Variants in TNFSF4 observed in about 807,000 individuals in gnomAD.
The protein encoded by TNFSF4 is TNF superfamily member 4, also known as tumor necrosis factor ligand superfamily member 4.
Under a neutral mutation model 7.3 loss-of-function variants are expected in TNFSF4, and 4 were observed. That is an observed-to-expected ratio of 0.55 (90% CI 0.27 to 1.25). The LOEUF is 1.25. TNFSF4 is among the 50% of genes most tolerant of loss of function. The pLI is 0.12. For missense variants in TNFSF4, 181 were observed against 208.8 expected, an observed-to-expected ratio of 0.87 and a Z score of 0.82; for synonymous variants, 76 against 83.7, an observed-to-expected ratio of 0.91 and a Z score of 0.50.
At chr1:173,191,115 G>T (rs1212053129) in intron 1 of TNFSF4, among the ~76,000 whole-genome samples, 1 of 152,120 alleles carries the variant, frequency 6.6e-6, no homozygotes, top group Non-Finnish European at 1.5e-5. Flanking sequence ...AAAATATCCT[G>T]CAACTTAAGG....
the TNFSF4 span, among the ~76,000 whole-genome samples, chr1:173,332,759 G>A: frequency 6.6e-6 from 1 of 151,728 alleles, no homozygotes; most frequent in Non-Finnish European, 1.5e-5. Context: ...GGAGGCTGAG[G>A]CAGGAGAATC....
intron 1 of TNFSF4, among the ~76,000 whole-genome samples, chr1:173,202,075 A>AACACG (rs1649969067): frequency 1.3e-5 from 2 of 150,596 alleles, no homozygotes; most frequent in African/African-American, 4.9e-5. Context: ...ATATATACAC[A>AACACG]CACACATACA....
chr1:173,173,224 T>A, the TNFSF4 span, among the ~76,000 whole-genome samples: 1 of 152,216 alleles, frequency 6.6e-6, no homozygotes, highest in African/African-American at 2.4e-5. Flanking sequence ...CCAAATCTCC[T>A]GTTTCTCACA....
At chr1:173,376,563 C>T in the TNFSF4 span, among the ~76,000 whole-genome samples, 1 of 152,152 alleles carries the variant, frequency 6.6e-6, no homozygotes, top group South Asian at 2.1e-4. Flanking sequence ...CCAATCAGTG[C>T]TCTGTGTCTA....
chr1:173,267,380 T>A, the TNFSF4 span, among the ~76,000 whole-genome samples: 1 of 152,154 alleles, frequency 6.6e-6, no homozygotes, highest in Non-Finnish European at 1.5e-5. Flanking sequence ...TGTGCACTTT[T>A]CCCTCAAATA....
rs182555087 is a variant in TNFSF4 at position 173,193,681 on chromosome 1, A to G, written c.154-5112T>C. On this transcript the variant is annotated intron_variant, in intron 1 of 2. Transcript: ENST00000281834. ...AAAAGAAGAAGTTGCCGTACAGATG[A>G]TTGGCAATGACCTCATCATGAGAAA... Among the ~76,000 whole-genome samples the G allele has an allele frequency of 8.7e-5, 13 of 150,210 alleles. No individual in the cohort carries two copies. The East Asian group carries it at 2.0e-3, about 23-fold the overall frequency.
In TNFSF4 at chr1:173,205,170, T is replaced by G. The variant is rs565478709; in HGVS notation, c.153+1854A>C. 6.3e-6 allele frequency: 6 copies of G among 955,260 alleles called. 1 individual carries two copies. In the South Asian group the frequency reaches 1.3e-4, roughly 21 times the overall value. The allele number at this position is 955,260 out of a possible 1,614,324, so 59.2% of individuals were successfully genotyped here. A position where few individuals can be genotyped will look rare whatever the true frequency, so the allele number is the denominator to read the frequency against. On this transcript the variant is annotated intron_variant, in intron 1 of 2. Transcript: ENST00000281834. ...AACATCAAGTGAAGAACTTCAAATATCCTGAGCAAAAAAAAGAAATCTATT... is the reference window on the plus strand; with the variant it reads ...AACATCAAGTGAAGAACTTCAAATAGCCTGAGCAAAAAAAAGAAATCTATT...
rs538471901 is a variant in TNFSF4, at chr1:173,206,433, G to A, written c.153+591C>T. Among the ~76,000 whole-genome samples the A allele has an allele frequency of 1.5e-4, 23 of 152,298 alleles. 1 individual carries two copies. The highest frequency in any genetic ancestry group is 5.1e-4 in the African/African-American group (21 of 41,562). ...TAAGGTAGGGAAAAGGTGAAATGATGTCTTTAAATTATGACTGGAAGAGAT... is the reference window on the plus strand; with the variant it reads ...TAAGGTAGGGAAAAGGTGAAATGATATCTTTAAATTATGACTGGAAGAGAT... On this transcript the variant is annotated intron_variant, in intron 1 of 2. Coordinates refer to ENST00000281834, the MANE Select transcript of TNFSF4 (RefSeq NM_003326.5).
chr1:173,285,922 C>A, the TNFSF4 span, among the ~76,000 whole-genome samples: 2 of 152,156 alleles, frequency 1.3e-5, no homozygotes, highest in African/African-American at 4.8e-5. Context: ...ACAGAGACTG[C>A]ATGACCTGCA....
the TNFSF4 span, among the ~76,000 whole-genome samples, chr1:173,368,415 G>A: frequency 1.3e-5 from 2 of 152,118 alleles, no homozygotes; most frequent in Admixed American, 6.5e-5. Context: ...CCGGAATATT[G>A]CCATGCAGTG....
the TNFSF4 span, among the ~76,000 whole-genome samples, chr1:173,292,615 A>T: frequency 6.6e-6 from 1 of 151,982 alleles, no homozygotes; most frequent in Non-Finnish European, 1.5e-5. Context: ...CATCTATTCA[A>T]CGTAGTACTG....
the TNFSF4 span, among the ~76,000 whole-genome samples, chr1:173,391,435 CAAAAAAAAAAAAAA>C: frequency 4.8e-4 from 52 of 108,824 alleles, no homozygotes; most frequent in East Asian, 3.8e-3. Context: ...CCTTAGAAAG[CAAAAAAAAAAAAAA>C]AAAAAAAAAA....
upstream of TNFSF4, among the ~76,000 whole-genome samples, chr1:173,207,993 T>C (rs2102005050): frequency 1.3e-5 from 2 of 152,300 alleles, no homozygotes; most frequent in Middle Eastern, 3.4e-3. Context: ...GGTATCCTTG[T>C]CTCCTTTCCT....
At chr1:173,177,660 T>C in the TNFSF4 span, among the ~76,000 whole-genome samples, 1 of 152,204 alleles carries the variant, frequency 6.6e-6, no homozygotes, top group African/African-American at 2.4e-5. Context: ...TCAGTCTCTG[T>C]CCCTGCTAAG....
At chr1:173,381,633 T>C in the TNFSF4 span, among the ~76,000 whole-genome samples, 1 of 152,132 alleles carries the variant, frequency 6.6e-6, no homozygotes, top group East Asian at 1.9e-4. Flanking sequence ...CCTAAAGAGT[T>C]CCCCTCTGGA....
the TNFSF4 span, among the ~76,000 whole-genome samples, chr1:173,267,789 G>A: frequency 5.9e-5 from 9 of 151,752 alleles, no homozygotes; most frequent in Admixed American, 2.6e-4. Flanking sequence ...ACTAATTTCC[G>A]GAGAGGAGGT....
At chr1:173,355,966 A>G in the TNFSF4 span, among the ~76,000 whole-genome samples, 1 of 152,230 alleles carries the variant, frequency 6.6e-6, no homozygotes, top group African/African-American at 2.4e-5. Context: ...AAGACATTCA[A>G]TTCAAAATTG....
the TNFSF4 span, among the ~76,000 whole-genome samples, chr1:173,366,795 A>AAAAT: frequency 2.6e-5 from 4 of 151,092 alleles, no homozygotes; most frequent in East Asian, 1.9e-4. Flanking sequence ...TAAAAATTAA[A>AAAAT]ATATATATAT....
intron 1 of TNFSF4, among the ~76,000 whole-genome samples, chr1:173,197,583 C>T (rs1330589108): frequency 6.6e-6 from 1 of 152,160 alleles, no homozygotes; most frequent in Admixed American, 6.5e-5. Flanking sequence ...AGCAAACTAA[C>T]ACAGGAACAG....
Sources: allele counts gnomAD v4.1 joint callset (sites outside exome capture counted in the v4.1 genomes callset), GRCh38; gene constraint gnomAD v4.1.1; transcripts MANE v1.5; gene names NCBI Gene and HGNC (gene_info 2026-07-23, HGNC 2026-07-21).